Variants in TENM2 observed in about 807,000 individuals in gnomAD.
TENM2 encodes the protein teneurin transmembrane protein 2.
In TENM2, 52 loss-of-function variants were observed where a neutral mutation model predicts 245.2. The observed-to-expected ratio is 0.21, with a 90% confidence interval of 0.17 to 0.27. The LOEUF (loss-of-function observed/expected upper bound fraction) is 0.27. TENM2 is among the 10% of genes least tolerant of loss of function. The pLI is 1.00. For synonymous variants in TENM2, 1,363 were observed against 1,438.9 expected (o/e 0.95, Z 1.19); for missense variants, 3,046 against 3,666.8 (o/e 0.83, Z 4.37).
chr5:167,998,980 T>C (rs1455205088), intron 5 of TENM2, among the ~76,000 whole-genome samples: 1 of 152,216 alleles, frequency 6.6e-6, no homozygotes, highest in South Asian at 2.1e-4. Flanking sequence ...CTGATGAATC[T>C]TGCGTTCTCT....
intron 2 of TENM2, among the ~76,000 whole-genome samples, chr5:167,423,024 A>G (rs1763599391): frequency 6.6e-6 from 1 of 152,204 alleles, no homozygotes; most frequent in Admixed American, 6.5e-5. Flanking sequence ...TCAAACTGCA[A>G]TCATGAAAAT....
chr5:167,541,016 G>A (rs544783423), intron 2 of TENM2, among the ~76,000 whole-genome samples: 1 of 152,288 alleles, frequency 6.6e-6, no homozygotes, highest in Non-Finnish European at 1.5e-5. Context: ...TGGCCCAGAA[G>A]TGGGAACGGT....
intron 5 of TENM2, among the ~76,000 whole-genome samples, chr5:168,046,163 A>C (rs966727181): frequency 5.3e-5 from 8 of 152,222 alleles, no homozygotes; most frequent in African/African-American, 1.7e-4. Context: ...TTTAACCTTA[A>C]TAGAATGCAG....
intron 1 of TENM2, chr5:167,306,148 C>A (rs911854500): frequency 6.6e-6 from 1 of 152,118 alleles, no homozygotes; most frequent in Non-Finnish European, 1.5e-5. Flanking sequence ...GTTGTTCAAA[C>A]GCTAAAGGCA....
At chr5:167,676,662 C>T (rs1756351545) in intron 2 of TENM2, among the ~76,000 whole-genome samples, 1 of 152,174 alleles carries the variant, frequency 6.6e-6, no homozygotes, top group South Asian at 2.1e-4. Context: ...GTTTCAGAAG[C>T]TGAAAAGGCT....
At chr5:167,985,032 T>C (rs991568372) in intron 4 of TENM2, among the ~76,000 whole-genome samples, 6 of 152,212 alleles carry the variant, frequency 3.9e-5, no homozygotes, top group Admixed American at 1.3e-4. Flanking sequence ...AAAACCTAAT[T>C]ACAGTAACTT....
chr5:167,901,610 A>T lies in TENM2; in HGVS notation c.712+25415A>T, dbSNP rs139838513. ...ATAACATTATTGTGAGAAGGAATAA[A>T]TTAGTGCATTGAATGGGCCTAGCAC... On this transcript the variant is annotated intron_variant, in intron 3 of 28. Transcript: ENST00000518659. Among the ~76,000 whole-genome samples the T allele has an allele frequency of 4.5e-3, 686 of 152,322 alleles. 4 individuals carry two copies. The highest frequency in any genetic ancestry group is 0.018 in the East Asian group (95 of 5,178).
At chr5:168,230,673 T>C (rs1340303223) in intron 25 of TENM2, among the ~76,000 whole-genome samples, 6 of 152,160 alleles carry the variant, frequency 3.9e-5, no homozygotes, top group Non-Finnish European at 5.9e-5. Context: ...TCATCCCTGC[T>C]CCACTGTCAC....
At chr5:167,961,446 C>T (rs776569344) in intron 4 of TENM2, among the ~76,000 whole-genome samples, 8 of 151,952 alleles carry the variant, frequency 5.3e-5, no homozygotes, top group Non-Finnish European at 7.4e-5. Flanking sequence ...CCTATTTTTA[C>T]GTTAACAGAC....
intron 2 of TENM2, among the ~76,000 whole-genome samples, chr5:167,622,824 A>T (rs970349042): frequency 2.6e-5 from 4 of 151,528 alleles, no homozygotes; most frequent in African/African-American, 9.7e-5. Context: ...GAGGGTGGGG[A>T]TTCCTTCATC....
chr5:167,419,122 T>G (rs1455127470), intron 2 of TENM2, among the ~76,000 whole-genome samples: 1 of 148,814 alleles, frequency 6.7e-6, no homozygotes, highest in Non-Finnish European at 1.5e-5. Context: ...AAAACTTAGA[T>G]GTGTATGTAG....
At chr5:168,215,390 C>G (rs1029863535) in intron 21 of TENM2, 118 bp downstream of exon 23, 1 of 778,292 alleles carries the variant, frequency 1.3e-6, no homozygotes, top group East Asian at 2.5e-5. Context: ...TCCCTGTAAT[C>G]ATTTAACTCA....
chr5:167,279,514 T>TCTCC, the TENM2 span, among the ~76,000 whole-genome samples: 1 of 98,212 alleles, frequency 1.0e-5, no homozygotes, highest in African/African-American at 3.7e-5. Context: ...CCTTCCTTCC[T>TCTCC]TTCCTTCCTT....
chr5:167,334,909 G>C (rs1214595099), intron 1 of TENM2, among the ~76,000 whole-genome samples: 1 of 152,144 alleles, frequency 6.6e-6, no homozygotes, highest in Non-Finnish European at 1.5e-5. Flanking sequence ...CAGAATCGTT[G>C]ATGATATTTA....
intron 2 of TENM2, among the ~76,000 whole-genome samples, chr5:167,677,392 G>C (rs1756404057): frequency 6.6e-6 from 1 of 151,722 alleles, no homozygotes; most frequent in Non-Finnish European, 1.5e-5. Flanking sequence ...ATGAGGTAGA[G>C]AACAACTGCT....
intron 2 of TENM2, among the ~76,000 whole-genome samples, chr5:167,776,699 G>A (rs1763830233): frequency 6.8e-6 from 1 of 146,206 alleles, no homozygotes; most frequent in Middle Eastern, 3.6e-3. Context: ...GATCTTAAGG[G>A]GCAGGGCCAA....
chr5:168,047,333 G>A lies in TENM2; in HGVS notation c.1187-94G>A, dbSNP rs878937758. ...ATTTTTGACGCAGCTTCCTCAAAAG[G>A]CAATCGCTTGGAAAAGGGCACCTGG... On this transcript the variant is annotated intron_variant, in intron 5 of 28. Coordinates refer to ENST00000518659, the Ensembl canonical transcript of TENM2. 2.2e-5 allele frequency: 32 copies of A among 1,423,112 alleles called. 1 individual carries two copies. In the South Asian group the frequency reaches 2.4e-4, roughly 11 times the overall value. The allele number at this position is 1,423,112 out of a possible 1,614,324, so 88.2% of individuals were successfully genotyped here.
At chr5:168,033,750 G>A (rs963289301) in intron 5 of TENM2, among the ~76,000 whole-genome samples, 14 of 152,078 alleles carry the variant, frequency 9.2e-5, no homozygotes, top group Non-Finnish European at 1.6e-4. Flanking sequence ...GGTCAGGCAT[G>A]GTAGCTGTAA....
intron 23 of TENM2, among the ~76,000 whole-genome samples, chr5:168,224,876 G>A (rs1764014376): frequency 6.6e-6 from 1 of 152,182 alleles, no homozygotes; most frequent in Non-Finnish European, 1.5e-5. Context: ...CCTTTCCTGG[G>A]TGTGAGAAGG....
Sources: allele counts gnomAD v4.1 joint callset (sites outside exome capture counted in the v4.1 genomes callset), GRCh38; gene constraint gnomAD v4.1.1; transcripts MANE v1.5; gene names NCBI Gene and HGNC (gene_info 2026-07-23, HGNC 2026-07-21).